Variants in RANBP17 observed in about 807,000 individuals in gnomAD.
The protein encoded by RANBP17 is ran-binding protein 17.
A neutral mutation model predicts 141.2 loss-of-function variants in RANBP17; 158 were observed. The observed-to-expected ratio is 1.12, with a 90% CI of 0.98 to 1.28. The LOEUF is 1.28. Among genes scored for constraint, RANBP17 ranks in the 50% most tolerant of loss-of-function variants. RANBP17 has a pLI of 0.00. For synonymous variants in RANBP17, 430 were observed against 450.0 expected (o/e 0.96, Z 0.56); for missense variants, 1,438 against 1,290.7 (o/e 1.11, Z -1.75).
chr5:170,927,787 A>C (rs1773046364), intron 12 of RANBP17, among the ~76,000 whole-genome samples: 1 of 152,114 alleles, frequency 6.6e-6, no homozygotes, highest in South Asian at 2.1e-4. Flanking sequence ...TGGACATTGA[A>C]TTACACTTAG....
chr5:171,025,298 G>T (rs193184503), intron 14 of RANBP17, among the ~76,000 whole-genome samples: 1 of 152,140 alleles, frequency 6.6e-6, no homozygotes, highest in Admixed American at 6.5e-5. Context: ...AAAGATCAAA[G>T]TCTTTTCCAT....
chr5:171,047,919 C>G (rs942241420), intron 14 of RANBP17, among the ~76,000 whole-genome samples: 2 of 152,022 alleles, frequency 1.3e-5, no homozygotes, highest in African/African-American at 4.8e-5. Flanking sequence ...ATGGATCACG[C>G]TTTTGATATC....
At chr5:170,965,195 T>C (rs1296972487) in intron 13 of RANBP17, among the ~76,000 whole-genome samples, 1 of 152,210 alleles carries the variant, frequency 6.6e-6, no homozygotes, top group Non-Finnish European at 1.5e-5. Flanking sequence ...ATAAATGTCT[T>C]CTTTTGAGAA....
intron 25 of RANBP17, among the ~76,000 whole-genome samples, chr5:171,269,250 C>A (rs1766942536): frequency 6.6e-6 from 1 of 152,106 alleles, no homozygotes; most frequent in Non-Finnish European, 1.5e-5. Flanking sequence ...CAGTTTCTGT[C>A]GTCTCAAAAG....
chr5:171,073,185 T>A (rs1784727261), intron 14 of RANBP17, among the ~76,000 whole-genome samples: 1 of 152,008 alleles, frequency 6.6e-6, no homozygotes, highest in Non-Finnish European at 1.5e-5. Flanking sequence ...AACCAAAATG[T>A]CAGGGGATCC....
intron 25 of RANBP17, among the ~76,000 whole-genome samples, chr5:171,281,704 C>T (rs1463541047): frequency 1.3e-5 from 2 of 152,110 alleles, no homozygotes; most frequent in Non-Finnish European, 2.9e-5. Context: ...ACTGTAGGTC[C>T]TCAATAAGTA....
At chr5:171,146,569 G>T (rs1031472843) in intron 14 of RANBP17, among the ~76,000 whole-genome samples, 1 of 152,124 alleles carries the variant, frequency 6.6e-6, no homozygotes, top group African/African-American at 2.4e-5. Context: ...GGTATGTAAT[G>T]TGTTGTATAT....
At chr5:171,049,898 AATGTG>A (rs1782844914) in intron 14 of RANBP17, among the ~76,000 whole-genome samples, 1 of 152,128 alleles carries the variant, frequency 6.6e-6, no homozygotes, top group Non-Finnish European at 1.5e-5. Context: ...GAAGTCTGGT[AATGTG>A]ATGCCTCCAG....
intron 25 of RANBP17, among the ~76,000 whole-genome samples, chr5:171,277,651 A>ATATATATATATTTATT (rs1561823512): frequency 5.4e-5 from 7 of 129,394 alleles, no homozygotes; most frequent in African/African-American, 2.0e-4. Context: ...ATATATATAT[A>ATATATATATATTTATT]TATATATATA....
intron 22 of RANBP17, among the ~76,000 whole-genome samples, chr5:171,224,027 G>A (rs907212681): frequency 1.3e-5 from 2 of 152,174 alleles, no homozygotes; most frequent in Non-Finnish European, 2.9e-5. Context: ...CTGGTAAAAG[G>A]CCTGGCACAG....
Position 171,199,675 on chromosome 5 carries a change from G to T in RANBP17, c.2044G>T (p.Asp682Tyr). 6.2e-7 allele frequency: 1 copy of T among 1,603,550 alleles called. No homozygotes were observed. The highest frequency in any genetic ancestry group is 8.5e-7 in the Non-Finnish European group (1 of 1,171,844). Residue 682 changes from aspartate (D) to tyrosine (Y), a missense_variant, in exon 19 of 28, where the codon GAT (aspartate) becomes TAT (tyrosine). Physicochemically the swap from Asp to Tyr is radical, Grantham distance 160 (BLOSUM62 -3). Coordinates refer to ENST00000523189, the MANE Select transcript of RANBP17 (RefSeq NM_022897.5). ...TRLLMVDLGE[D>Y]EDEFENFMLP... Reference sequence around the variant, plus strand: ...CCCTTTTGTTTCTCTGATAGGTGAAGATGAGGATGAATTTGAGAATTTCAT... The same window carrying T: ...CCCTTTTGTTTCTCTGATAGGTGAATATGAGGATGAATTTGAGAATTTCAT...
At position 171,299,506 on chromosome 5, in the gene RANBP17, G is replaced by A. The variant is rs1769015077; in HGVS notation, c.*648G>A. The A allele has an allele frequency of 4.3e-6, 1 of 232,098 alleles. No homozygotes were observed. Among genetic ancestry groups the A allele is most frequent in the Non-Finnish European group, 8.5e-6 (1 of 117,078 alleles). The allele number at this position is 232,098 out of a possible 1,614,324, so 14.4% of individuals were successfully genotyped here. ...AAATCTGAAGTGGTTCAGTCTAGAA[G>A]AATTAAGCTGTGCAATTACTGCCTG... On this transcript the variant is annotated 3_prime_UTR_variant, in exon 28 of 28. Coordinates refer to ENST00000523189, the MANE Select transcript of RANBP17 (RefSeq NM_022897.5).
chr5:170,937,210 CTGTAT>C lies in RANBP17; in HGVS notation c.1468+12661_1468+12665del, dbSNP rs556489705. Among the ~76,000 whole-genome samples, 492 of 152,292 alleles carry C rather than the reference CTGTAT, an allele frequency of 3.2e-3. 1 individual carries two copies. Among genetic ancestry groups the C allele is most frequent in the African/African-American group, 0.011 (461 of 41,562 alleles). On this transcript the variant is annotated intron_variant, in intron 12 of 27. Coordinates refer to ENST00000523189, the MANE Select transcript of RANBP17 (RefSeq NM_022897.5). ...CTCATTTTCATATCACACTGGTAGT[CTGTAT>C]GTAGTCCACAAACCATGTGAGGTCT... is the stretch of plus-strand genomic sequence containing the variant.
chr5:170,936,271 G>A (rs1418690063), intron 12 of RANBP17, among the ~76,000 whole-genome samples: 1 of 152,056 alleles, frequency 6.6e-6, no homozygotes, highest in Non-Finnish European at 1.5e-5. Context: ...GCCGTGCTAG[G>A]TGGGCTGCAC....
At chr5:170,870,006 C>T (rs1448007920) in intron 1 of RANBP17, among the ~76,000 whole-genome samples, 1 of 152,022 alleles carries the variant, frequency 6.6e-6, no homozygotes, top group Non-Finnish European at 1.5e-5. Flanking sequence ...TATTTCTTGG[C>T]CTAATTCTTT....
chr5:171,149,275 T>G lies in RANBP17; in HGVS notation c.1711-20855T>G, dbSNP rs74699477. Among the ~76,000 whole-genome samples the G allele has an allele frequency of 9.7e-3, 1,472 of 152,342 alleles. 11 individuals are homozygous for G. Among genetic ancestry groups the G allele is most frequent in the Non-Finnish European group, 0.016 (1,082 of 68,034 alleles). On this transcript the variant is annotated intron_variant, in intron 14 of 27. Transcript: ENST00000523189. ...TTTACTGAGCTCTGAGCTATGCTCA[T>G]TTTTCATGTGTCCACTGAAGTCCAC... is the stretch of plus-strand genomic sequence containing the variant.
chr5:171,151,513 T>C (rs1297875054), intron 14 of RANBP17, among the ~76,000 whole-genome samples: 1 of 152,096 alleles, frequency 6.6e-6, no homozygotes, highest in East Asian at 1.9e-4. Flanking sequence ...TGGCACAAAT[T>C]AAAAATATAA....
chr5:171,011,282 A>G (rs989567392), intron 14 of RANBP17, among the ~76,000 whole-genome samples: 1 of 152,068 alleles, frequency 6.6e-6, no homozygotes, highest in African/African-American at 2.4e-5. Context: ...AATGTGAATA[A>G]ATATTGATGT....
Position 170,963,541 on chromosome 5 carries a change from C to G in RANBP17, c.1575-4701C>G, listed in dbSNP as rs987638864. On this transcript the variant is annotated intron_variant, in intron 13 of 27. Coordinates refer to ENST00000523189, the MANE Select transcript of RANBP17 (RefSeq NM_022897.5). ...AGTAGAAGATGGTTTTTCCATGGACCGGGGCAGGGGATGGTTTCAGGATGA... is the reference window on the plus strand; with the variant it reads ...AGTAGAAGATGGTTTTTCCATGGACGGGGGCAGGGGATGGTTTCAGGATGA... Among the ~76,000 whole-genome samples, 5 of 152,118 alleles carry G rather than the reference C, an allele frequency of 3.3e-5. 1 individual carries two copies. The highest frequency in any genetic ancestry group is 4.8e-5 in the African/African-American group (2 of 41,416).
Sources: allele counts gnomAD v4.1 joint callset (sites outside exome capture counted in the v4.1 genomes callset), GRCh38; gene constraint gnomAD v4.1.1; transcripts MANE v1.5; gene names NCBI Gene and HGNC (gene_info 2026-07-23, HGNC 2026-07-21).